The following FARS2 variants were observed in gnomAD, a reference collection of about 807,000 sequenced individuals.
FARS2 encodes the protein phenylalanyl-tRNA synthetase 2, mitochondrial.
In FARS2, 40 loss-of-function variants were observed where a neutral mutation model predicts 46.4. The observed-to-expected ratio is 0.86, with a 90% CI of 0.67 to 1.12. The LOEUF (loss-of-function observed/expected upper bound fraction) is 1.12. Among genes scored for constraint, FARS2 ranks in the 50% most tolerant of loss-of-function variants. The pLI is 0.00. For missense variants in FARS2, 513 were observed against 567.9 expected, an observed-to-expected ratio of 0.90 and a Z score of 0.98; for synonymous variants, 234 against 214.9, an observed-to-expected ratio of 1.09 and a Z score of -0.78.
intron 1 of FARS2, among the ~76,000 whole-genome samples, chr6:5,284,814 G>A (rs973328355): frequency 6.6e-6 from 1 of 152,088 alleles, no homozygotes; most frequent in Non-Finnish European, 1.5e-5. Flanking sequence ...TCCTCTCAGC[G>A]CTTCTGTCTT....
intron 6 of FARS2, among the ~76,000 whole-genome samples, chr6:5,706,478 G>A (rs188972591): frequency 1.8e-4 from 27 of 152,322 alleles, no homozygotes; most frequent in Admixed American, 1.1e-3. Flanking sequence ...CCATTCCATG[G>A]CAGCATTGCT....
chr6:5,771,208 A>C, intron 6 of FARS2, 83 bp from the exon 7 acceptor site: 2 of 1,528,228 alleles, frequency 1.3e-6, no homozygotes, highest in Non-Finnish European at 1.8e-6. Flanking sequence ...AGTTGGGGAG[A>C]TCTGGCCAGG....
chr6:5,460,382 G>A (rs565732088), intron 4 of FARS2, among the ~76,000 whole-genome samples: 9 of 152,252 alleles, frequency 5.9e-5, no homozygotes, highest in South Asian at 4.2e-4. Context: ...TTTTTCAGGC[G>A]TTCAGTTGGA....
chr6:5,760,689 G>A (rs1762435362), intron 6 of FARS2, among the ~76,000 whole-genome samples: 1 of 152,170 alleles, frequency 6.6e-6, no homozygotes, highest in African/African-American at 2.4e-5. Context: ...CAGACCAGCT[G>A]CTCTCAGCTA....
chr6:5,257,925 C>A (rs1386624391), upstream of FARS2, among the ~76,000 whole-genome samples: 1 of 152,102 alleles, frequency 6.6e-6, no homozygotes, highest in African/African-American at 2.4e-5. Flanking sequence ...AGCAATGAGA[C>A]CTGTTTGGCT....
intron 4 of FARS2, among the ~76,000 whole-genome samples, chr6:5,469,329 C>T (rs368941801): frequency 2.6e-4 from 39 of 152,230 alleles, no homozygotes; most frequent in African/African-American, 6.3e-4. Context: ...ACAGCAGAAC[C>T]GGCCTGTCTC....
chr6:5,457,728 G>A (rs1347197111), intron 4 of FARS2, among the ~76,000 whole-genome samples: 1 of 152,020 alleles, frequency 6.6e-6, no homozygotes, highest in Non-Finnish European at 1.5e-5. Context: ...ATAAACATAG[G>A]GTTTTTATTT....
At chr6:5,711,639 G>T (rs1759178339) in intron 6 of FARS2, among the ~76,000 whole-genome samples, 1 of 152,090 alleles carries the variant, frequency 6.6e-6, no homozygotes, top group African/African-American at 2.4e-5. Context: ...TAATCACAAG[G>T]GGAAAAAATA....
upstream of FARS2, chr6:5,260,599 C>CCCCCGGG: frequency 8.8e-7 from 1 of 1,134,696 alleles, no homozygotes; most frequent in Non-Finnish European, 1.3e-6. Context: ...CACCCCCGGT[C>CCCCCGGG]CCCGGCCCCT....
At chr6:5,658,810 T>C (rs1260530620) in intron 6 of FARS2, among the ~76,000 whole-genome samples, 1 of 152,230 alleles carries the variant, frequency 6.6e-6, no homozygotes, top group African/African-American at 2.4e-5. Context: ...TGGATAATTT[T>C]AAATTTGTGT....
At chr6:5,341,215 ATATATATATATATATATATATTTT>A (rs1198752605) in intron 1 of FARS2, among the ~76,000 whole-genome samples, 1,398 of 8,392 alleles carry the variant, frequency 0.17, 128 homozygotes, top group East Asian at 0.38. Flanking sequence ...ATATATATAT[ATATATATATATATATATATATTTT>A]TTTTTTTTTT....
chr6:5,469,760 C>CT (rs1765709962), intron 4 of FARS2, among the ~76,000 whole-genome samples: 2 of 152,296 alleles, frequency 1.3e-5, no homozygotes, highest in South Asian at 4.1e-4. Context: ...ATGAACAGAG[C>CT]TTTTACAACT....
intron 5 of FARS2, among the ~76,000 whole-genome samples, chr6:5,600,618 G>T (rs575995095): frequency 1.3e-5 from 2 of 152,296 alleles, no homozygotes; most frequent in East Asian, 3.9e-4. Context: ...CAAAGTAACT[G>T]ATAGTGCATG....
intron 6 of FARS2, among the ~76,000 whole-genome samples, chr6:5,753,543 G>A (rs1294372416): frequency 2.0e-5 from 3 of 152,082 alleles, no homozygotes; most frequent in Admixed American, 6.5e-5. Context: ...GCTGTGGCAC[G>A]GAGCTGTCAG....
At chr6:5,437,820 T>G (rs1384650495) in intron 4 of FARS2, among the ~76,000 whole-genome samples, 1 of 152,162 alleles carries the variant, frequency 6.6e-6, no homozygotes, top group Non-Finnish European at 1.5e-5. Context: ...TTCTTTTATA[T>G]TTACTTAGCT....
Position 5,311,200 on chromosome 6 carries a change from C to T in FARS2, c.-22+49540C>T, listed in dbSNP as rs1769059618. On this transcript the variant is annotated intron_variant, in intron 1 of 6. Transcript: ENST00000274680. The surrounding 1 kb of genome is among the most constrained non-coding windows in gnomAD (Gnocchi z 4.1). ...TGTATGTGCTGTCAGAGAGGGAATT[C>T]CAGTGCATTTTGTTATTAAGTAAAA... Among the ~76,000 whole-genome samples the T allele has an allele frequency of 6.6e-6, 1 of 152,134 alleles. No homozygotes were observed. The highest frequency in any genetic ancestry group is 2.1e-4 in the South Asian group (1 of 4,822).
intron 3 of FARS2, among the ~76,000 whole-genome samples, chr6:5,420,510 C>T (rs957287592): frequency 2.0e-5 from 3 of 152,102 alleles, no homozygotes; most frequent in Non-Finnish European, 2.9e-5. Context: ...ACAGCCTTTC[C>T]AAATGGGAGA....
intron 4 of FARS2, among the ~76,000 whole-genome samples, chr6:5,540,939 T>G (rs1770590504): frequency 6.6e-6 from 1 of 152,154 alleles, no homozygotes. Context: ...GTGGATAATC[T>G]GAGGTGGTGG....
chr6:5,490,206 C>T (rs1428157869), intron 4 of FARS2, among the ~76,000 whole-genome samples: 3 of 152,126 alleles, frequency 2.0e-5, no homozygotes, highest in Non-Finnish European at 4.4e-5. Flanking sequence ...GAGGTTCATC[C>T]ATGTTGCATG....
Sources: allele counts gnomAD v4.1 joint callset (sites outside exome capture counted in the v4.1 genomes callset), GRCh38; gene constraint gnomAD v4.1.1; non-coding constraint Gnocchi (gnomAD v3.1); transcripts MANE v1.5; gene names NCBI Gene and HGNC (gene_info 2026-07-23, HGNC 2026-07-21).